SYN3: variants seen among roughly 807,000 people sequenced by gnomAD.
SYN3 encodes the protein synapsin III.
In SYN3, 35 loss-of-function variants were observed where a neutral mutation model predicts 65.8. The observed-to-expected ratio is 0.53, with a 90% CI of 0.41 to 0.70. The LOEUF (loss-of-function observed/expected upper bound fraction) is 0.70, where lower values mean the gene tolerates loss of function less well. Among genes scored for constraint, SYN3 ranks in the 30% least tolerant of loss-of-function variants. The pLI, the probability that SYN3 is intolerant of heterozygous loss-of-function variation, is 0.00. For synonymous variants in SYN3, 270 were observed against 292.9 expected (o/e 0.92, Z 0.80); for missense variants, 680 against 749.0 (o/e 0.91, Z 1.08).
chr22:32,751,239 G>A (rs2045112810), intron 6 of SYN3, among the ~76,000 whole-genome samples: 2 of 152,166 alleles, frequency 1.3e-5, no homozygotes, highest in African/African-American at 4.8e-5. Flanking sequence ...GTCAAATTAG[G>A]TAAGATGGAG....
intron 3 of SYN3, among the ~76,000 whole-genome samples, chr22:32,969,531 T>C (rs1330654028): frequency 2.6e-5 from 4 of 152,178 alleles, no homozygotes; most frequent in Non-Finnish European, 5.9e-5. Flanking sequence ...AAGGGACTAA[T>C]GGCTTCTTAA....
chr22:32,912,877 T>G (rs577196546), intron 4 of SYN3, among the ~76,000 whole-genome samples: 1 of 152,284 alleles, frequency 6.6e-6, no homozygotes, highest in South Asian at 2.1e-4. Flanking sequence ...GCGGGATGTT[T>G]AGGGGAGAGA....
At chr22:32,925,063 G>A (rs2050432807) in intron 4 of SYN3, among the ~76,000 whole-genome samples, 1 of 152,046 alleles carries the variant, frequency 6.6e-6, no homozygotes, top group Non-Finnish European at 1.5e-5. Context: ...CTGTACCCCA[G>A]CCTGGGTGAC....
chr22:32,694,408 G>A (rs538349612), intron 6 of SYN3, among the ~76,000 whole-genome samples: 2 of 152,230 alleles, frequency 1.3e-5, no homozygotes, highest in Admixed American at 1.3e-4. Context: ...TATTTAAATG[G>A]ATACAATGTT....
intron 6 of SYN3, among the ~76,000 whole-genome samples, chr22:32,606,223 A>G (rs780283428): frequency 2.0e-5 from 3 of 152,198 alleles, no homozygotes; most frequent in Admixed American, 6.5e-5. Flanking sequence ...GGGAAGGGGA[A>G]GGAAGCCTGA....
chr22:32,982,624 G>A (rs1157715039), intron 2 of SYN3, among the ~76,000 whole-genome samples: 1 of 152,050 alleles, frequency 6.6e-6, no homozygotes, highest in African/African-American at 2.4e-5. Flanking sequence ...TAATGTCTGT[G>A]TACCACTAAA....
chr22:32,723,660 C>T (rs1038688506), intron 6 of SYN3, among the ~76,000 whole-genome samples: 7 of 152,238 alleles, frequency 4.6e-5, no homozygotes, highest in Admixed American at 1.3e-4. Context: ...GCTCTGGGCT[C>T]GGCTCCCAGG....
chr22:32,747,385 T>C (rs939713975), intron 6 of SYN3, among the ~76,000 whole-genome samples: 2 of 151,990 alleles, frequency 1.3e-5, no homozygotes, highest in Non-Finnish European at 2.9e-5. Context: ...TTCCCATTCA[T>C]TGGTAGCTTA....
intron 6 of SYN3, among the ~76,000 whole-genome samples, chr22:32,709,424 G>T (rs902160388): frequency 6.6e-6 from 1 of 152,160 alleles, no homozygotes; most frequent in African/African-American, 2.4e-5. Flanking sequence ...AAACCCAAGT[G>T]GATCAGTTGG....
intron 6 of SYN3, among the ~76,000 whole-genome samples, chr22:32,715,733 C>A (rs1204312537): frequency 7.1e-6 from 1 of 140,804 alleles, no homozygotes; most frequent in Non-Finnish European, 1.5e-5. Flanking sequence ...GAGCCAAGAT[C>A]GTGCCACTGC....
intron 12 of SYN3, among the ~76,000 whole-genome samples, chr22:32,526,483 G>A (rs1162804822): frequency 2.0e-5 from 3 of 151,698 alleles, no homozygotes; most frequent in Non-Finnish European, 4.4e-5. Context: ...TGATAGTAAT[G>A]CCTTCTTTCT....
intron 6 of SYN3, among the ~76,000 whole-genome samples, chr22:32,679,048 C>CT (rs145971116): frequency 0.2 from 17,031 of 85,810 alleles, 2,266 homozygotes; most frequent in Non-Finnish European, 0.25. Flanking sequence ...TTGTTTCTTT[C>CT]TTTTTTTTTT....
At chr22:32,953,141 G>A (rs1184262686) in intron 3 of SYN3, among the ~76,000 whole-genome samples, 1 of 152,228 alleles carries the variant, frequency 6.6e-6, no homozygotes, top group East Asian at 1.9e-4. Context: ...GAAAACTGGA[G>A]AGCAGAGAGT....
chr22:32,931,592 C>G (rs1198855609), intron 3 of SYN3, 111 bp from the exon 4 acceptor site: 1 of 707,888 alleles, frequency 1.4e-6, no homozygotes, highest in African/African-American at 1.8e-5. Context: ...AAGCTCCCCT[C>G]AAACTTAGGA....
chr22:32,727,778 C>A (rs2061216095), intron 6 of SYN3, among the ~76,000 whole-genome samples: 1 of 152,200 alleles, frequency 6.6e-6, no homozygotes, highest in Non-Finnish European at 1.5e-5. Context: ...TGTATGTCTT[C>A]TTTTAAGAAG....
intron 6 of SYN3, among the ~76,000 whole-genome samples, chr22:32,605,161 G>A (rs1003092937): frequency 2.0e-5 from 3 of 152,182 alleles, no homozygotes; most frequent in South Asian, 2.1e-4. Context: ...CAGTAAGCGC[G>A]TTTGTTGAAT....
intron 13 of SYN3, among the ~76,000 whole-genome samples, chr22:32,516,822 C>T (rs1271556420): frequency 6.6e-6 from 1 of 152,082 alleles, no homozygotes; most frequent in Non-Finnish European, 1.5e-5. Context: ...TCTTTGCTTA[C>T]TCGTCTGTAC....
At chr22:32,529,637 A>G (rs2058038373) in intron 10 of SYN3, among the ~76,000 whole-genome samples, 1 of 152,136 alleles carries the variant, frequency 6.6e-6, no homozygotes, top group African/African-American at 2.4e-5. Context: ...AGAGCAACTG[A>G]GGCCCAGAGA....
Position 32,775,484 on chromosome 22 carries a change from G to A in SYN3, c.711+89431C>T, listed in dbSNP as rs536341290. The stretch of plus-strand genomic sequence containing the variant: ...TAGCAGATAACTGTCGACGAGGAGG[G>A]TGACTGAGGCAAAAGTACCCCTTCT... On this transcript the variant is annotated intron_variant, in intron 6 of 13. Coordinates refer to ENST00000358763, the MANE Select transcript of SYN3 (RefSeq NM_003490.4). 2.0e-5 allele frequency among the ~76,000 whole-genome samples: 3 copies of A among 152,296 alleles called. No individual in the cohort carries two copies. In the East Asian group the frequency reaches 5.8e-4, roughly 29 times the overall value.
Sources: allele counts gnomAD v4.1 joint callset (sites outside exome capture counted in the v4.1 genomes callset), GRCh38; gene constraint gnomAD v4.1.1; transcripts MANE v1.5; gene names NCBI Gene and HGNC (gene_info 2026-07-23, HGNC 2026-07-21).